REPS2: variants seen among roughly 807,000 people sequenced by gnomAD.
The protein encoded by REPS2 is RALBP1 associated Eps domain containing 2, also known as ralBP1-associated Eps domain-containing protein 2.
A neutral mutation model predicts 53.6 loss-of-function variants in REPS2; 23 were observed. The observed-to-expected ratio is 0.43, with a 90% CI of 0.31 to 0.61. The LOEUF is 0.61. Ranked by LOEUF, REPS2 falls within the 20% of genes least tolerant of loss-of-function variation. The pLI is 0.11. For missense variants in REPS2, 446 were observed against 534.9 expected (o/e 0.83, Z 1.64); for synonymous variants, 238 against 218.6 (o/e 1.09, Z -0.78).
rs1373297873 is a variant in REPS2 at position 17,068,535 on chromosome X, T to C, written c.1279+64T>C. The C allele has an allele frequency of 1.7e-5, 15 of 894,136 alleles. No homozygotes were observed. The East Asian group carries it at 3.5e-4, about 21-fold the overall frequency. 73.7% of individuals were successfully genotyped at this position (894,136 alleles called of 1,213,427 possible). On this transcript the variant is annotated intron_variant, in intron 10 of 17. Coordinates refer to ENST00000357277, the MANE Select transcript of REPS2 (RefSeq NM_004726.3). ...TACCTGTTACCTTATCTACTCCTCT[T>C]GGAATGGTGGCTTCTAGAGCATATG... is the stretch of plus-strand genomic sequence containing the variant.
chrX:17,069,895 T>C (rs780473795), intron 10 of REPS2, 45 bp from the exon 11 acceptor site: 1 of 821,152 alleles, frequency 1.2e-6, no homozygotes. Flanking sequence ...TAATTTTTTT[T>C]CCTCTTTTCT....
intron 1 of REPS2, among the ~76,000 whole-genome samples, chrX:16,949,089 G>A (rs1030074753): frequency 2.7e-5 from 3 of 111,015 alleles, no homozygotes; most frequent in Non-Finnish European, 5.7e-5. Context: ...TGGTGGTGGT[G>A]GTGGTGGTGG....
At chrX:17,139,042 A>C in intron 17 of REPS2, 81 bp downstream of exon 17, 1 of 561,052 alleles carries the variant, frequency 1.8e-6, no homozygotes, top group Non-Finnish European at 2.8e-6. Context: ...ATAGGCATAT[A>C]ATAATTGTAC....
intron 14 of REPS2, among the ~76,000 whole-genome samples, chrX:17,127,177 T>C (rs2063224028): frequency 8.9e-6 from 1 of 112,157 alleles, no homozygotes; most frequent in South Asian, 3.7e-4. Flanking sequence ...TGGGTAGCTC[T>C]TAAGTCAGCC....
chrX:17,183,142 C>T, the REPS2 span, among the ~76,000 whole-genome samples: 1 of 112,217 alleles, frequency 8.9e-6, no homozygotes, highest in African/African-American at 3.2e-5. Flanking sequence ...GTTCTGCCTT[C>T]AGAGAACTTA....
At chrX:17,090,486 G>A (rs2062600591) in intron 13 of REPS2, among the ~76,000 whole-genome samples, 1 of 111,662 alleles carries the variant, frequency 9.0e-6, no homozygotes, top group Non-Finnish European at 1.9e-5. Flanking sequence ...CACAACACAT[G>A]GGAATTATGG....
intron 9 of REPS2, among the ~76,000 whole-genome samples, chrX:17,067,163 A>G (rs1255598937): frequency 8.9e-6 from 1 of 111,964 alleles, no homozygotes; most frequent in Non-Finnish European, 1.9e-5. Flanking sequence ...TCTTCCTCCC[A>G]TCTACCAACT....
the REPS2 span, among the ~76,000 whole-genome samples, chrX:17,196,582 C>G: frequency 8.9e-6 from 1 of 111,978 alleles, no homozygotes; most frequent in African/African-American, 3.2e-5. Flanking sequence ...GACACAAAAT[C>G]TGCTGGTATT....
chrX:16,994,419 A>G (rs1401970178), intron 1 of REPS2, among the ~76,000 whole-genome samples: 1 of 111,086 alleles, frequency 9.0e-6, no homozygotes, highest in Non-Finnish European at 1.9e-5. Flanking sequence ...GTACATATAT[A>G]TGCACACACA....
intron 1 of REPS2, among the ~76,000 whole-genome samples, chrX:16,982,126 A>T (rs1217916049): frequency 8.9e-6 from 1 of 111,932 alleles, no homozygotes; most frequent in Admixed American, 9.5e-5. Flanking sequence ...AGGTCTACCT[A>T]TATTAGAGTA....
intron 14 of REPS2, among the ~76,000 whole-genome samples, chrX:17,108,933 T>A (rs1283933118): frequency 3.7e-5 from 4 of 106,793 alleles, no homozygotes; most frequent in East Asian, 5.8e-4. Flanking sequence ...TTTTTTTTTT[T>A]AGCTGGCTAA....
intron 13 of REPS2, among the ~76,000 whole-genome samples, chrX:17,088,709 G>A (rs1244798029): frequency 1.9e-5 from 2 of 107,542 alleles, no homozygotes; most frequent in African/African-American, 3.4e-5. Flanking sequence ...TCAGCCTCCC[G>A]AGTAGCTGGG....
intron 14 of REPS2, among the ~76,000 whole-genome samples, chrX:17,112,565 CAG>C (rs1427288212): frequency 9.0e-6 from 1 of 111,626 alleles, no homozygotes; most frequent in Non-Finnish European, 1.9e-5. Context: ...AAATCAATAA[CAG>C]AAGTAAAATG....
intron 8 of REPS2, among the ~76,000 whole-genome samples, chrX:17,056,103 C>T (rs2058039697): frequency 8.9e-6 from 1 of 112,309 alleles, no homozygotes; most frequent in African/African-American, 3.2e-5. Context: ...AGTTATTGTT[C>T]TTTAACTGCT....
chrX:17,079,154 G>A (rs1260358209), intron 13 of REPS2, among the ~76,000 whole-genome samples: 1 of 111,974 alleles, frequency 8.9e-6, no homozygotes, highest in Non-Finnish European at 1.9e-5. Flanking sequence ...AAAGTTTAGG[G>A]TTTTATAGCA....
At chrX:17,100,300 G>C (rs890515747) in intron 13 of REPS2, 4 of 545,325 alleles carry the variant, frequency 7.3e-6, no homozygotes, top group South Asian at 2.6e-5. Flanking sequence ...CTTTCTTCTT[G>C]TTTTGTTTTT....
At chrX:16,947,202 TG>T in intron 1 of REPS2, 68 bp downstream of exon 1, 1 of 951,264 alleles carries the variant, frequency 1.1e-6, no homozygotes, top group Non-Finnish European at 1.3e-6. Flanking sequence ...AGGTTGCGAG[TG>T]GGGCGACAGG....
intron 14 of REPS2, among the ~76,000 whole-genome samples, chrX:17,113,329 G>T (rs2063002101): frequency 1.9e-5 from 2 of 108,044 alleles, no homozygotes; most frequent in Admixed American, 1.0e-4. Context: ...TCAAAATAAA[G>T]GGCTCTATTT....
intron 6 of REPS2, among the ~76,000 whole-genome samples, chrX:17,050,194 C>CTTTCTTTCTTTCTT (rs1223989029): frequency 1.9e-5 from 1 of 51,796 alleles, no homozygotes; most frequent in African/African-American, 9.5e-5. Flanking sequence ...TTCTTTCTTT[C>CTTTCTTTCTTTCTT]TTTTTTTTTT....
Sources: gnomAD v4.1 joint callset for allele counts (sites outside exome capture counted in the v4.1 genomes callset) on GRCh38, gnomAD v4.1.1 for gene constraint, MANE v1.5 for transcripts, NCBI Gene and HGNC (gene_info 2026-07-23, HGNC 2026-07-21) for gene names.